Variants in ELF1 observed in about 807,000 individuals in gnomAD.
The protein encoded by ELF1 is ETS-related transcription factor Elf-1.
In ELF1, 24 loss-of-function variants were observed where a neutral mutation model predicts 59.9. That is an observed-to-expected ratio of 0.40 (90% CI 0.29 to 0.56). The LOEUF is 0.56. Ranked by LOEUF, ELF1 falls within the 20% of genes least tolerant of loss-of-function variation. ELF1 has a pLI of 0.44. For synonymous variants in ELF1, 248 were observed against 266.2 expected, an observed-to-expected ratio of 0.93 and a Z score of 0.67; for missense variants, 627 against 742.2, an observed-to-expected ratio of 0.84 and a Z score of 1.80.
At chr13:41,037,711 G>T (rs1237069493) in intron 1 of ELF1, among the ~76,000 whole-genome samples, 1 of 151,852 alleles carries the variant, frequency 6.6e-6, no homozygotes, top group Non-Finnish European at 1.5e-5. Flanking sequence ...CAGGAGAATT[G>T]CTGGAACCTG....
In ELF1 at chr13:40,982,248, T is replaced by A; in HGVS notation, c.-194A>T. ...GATATTCTAGTCAAATTGAGACAAT[T>A]TTTCTGAAATTTTTCTTCTCTCAAG... is the stretch of plus-strand genomic sequence containing the variant. On this transcript the variant is annotated 5_prime_UTR_variant, in exon 2 of 9. Transcript: ENST00000239882. 1.6e-6 allele frequency: 2 copies of A among 1,270,264 alleles called. No homozygotes were observed. The highest frequency in any genetic ancestry group is 5.6e-5 in the South Asian group (2 of 35,432). 78.7% of individuals were successfully genotyped at this position (1,270,264 alleles called of 1,614,324 possible).
exon 1 of ELF1, chr13:41,060,941 C>T (rs61962754): frequency 8.2e-4 from 196 of 240,234 alleles, no homozygotes; most frequent in African/African-American, 3.1e-3. Context: ...CCGCCGCCGC[C>T]GCCGCTGCTG....
At chr13:41,057,830 C>A (rs192210756) in intron 1 of ELF1, among the ~76,000 whole-genome samples, 24 of 152,326 alleles carry the variant, frequency 1.6e-4, no homozygotes, top group South Asian at 4.1e-4. Flanking sequence ...TCCTCACAAA[C>A]TGATTACCTA....
chr13:40,945,579 C>T (rs1361599497), intron 5 of ELF1, among the ~76,000 whole-genome samples: 5 of 152,148 alleles, frequency 3.3e-5, no homozygotes, highest in African/African-American at 1.2e-4. Flanking sequence ...TTTATTGTAG[C>T]TGAACTACTC....
intron 1 of ELF1, among the ~76,000 whole-genome samples, chr13:41,045,435 A>C (rs1000307909): frequency 7.2e-5 from 11 of 152,210 alleles, no homozygotes; most frequent in African/African-American, 2.7e-4. Flanking sequence ...TTAGTACCAC[A>C]AATTTCCCTC....
chr13:41,042,244 C>A (rs1294498984), intron 1 of ELF1, among the ~76,000 whole-genome samples: 3 of 151,810 alleles, frequency 2.0e-5, no homozygotes, highest in Middle Eastern at 6.9e-3. Flanking sequence ...TAACTCCTGA[C>A]CTCAAGTAAT....
chr13:41,041,008 G>A (rs1027812020), intron 1 of ELF1, among the ~76,000 whole-genome samples: 3 of 152,154 alleles, frequency 2.0e-5, no homozygotes, highest in Admixed American at 6.5e-5. Flanking sequence ...AGTGATTGGG[G>A]ATGGCCTTTC....
At position 40,943,157 on chromosome 13, in the gene ELF1, C is replaced by T. The variant is rs1271216399; in HGVS notation, c.614-13G>A. On this transcript the variant is annotated splice_polypyrimidine_tract_variant and intron_variant, in intron 6 of 8. Transcript: ENST00000239882. ...TAAATTGTGTTTCCTGAAACAAAAA[C>T]AATTTCTTTCTAAATGACCAAAATT... is the stretch of plus-strand genomic sequence containing the variant. 2.0e-6 allele frequency: 3 copies of T among 1,491,912 alleles called. No homozygotes were observed. The highest frequency in any genetic ancestry group is 2.7e-6 in the Non-Finnish European group (3 of 1,112,740). 92.4% of individuals were successfully genotyped at this position (1,491,912 alleles called of 1,614,324 possible).
At chr13:40,997,430 G>A (rs1874187826) in intron 1 of ELF1, among the ~76,000 whole-genome samples, 1 of 152,024 alleles carries the variant, frequency 6.6e-6, no homozygotes, top group South Asian at 2.1e-4. Flanking sequence ...GCTAATTTTT[G>A]TATTTTTAGT....
At chr13:40,957,565 C>T (rs1871528568) in intron 3 of ELF1, among the ~76,000 whole-genome samples, 3 of 151,968 alleles carry the variant, frequency 2.0e-5, no homozygotes, top group Non-Finnish European at 4.4e-5. Context: ...ACCCTGCCTT[C>T]TGTTCCTCCT....
chr13:41,034,247 T>C (rs1429144577), intron 1 of ELF1, among the ~76,000 whole-genome samples: 1 of 152,166 alleles, frequency 6.6e-6, no homozygotes. Context: ...CAGTGTGGTA[T>C]ATCTTGGACT....
chr13:40,961,385 C>T (rs1871809191), intron 2 of ELF1, among the ~76,000 whole-genome samples: 1 of 152,002 alleles, frequency 6.6e-6, no homozygotes, highest in African/African-American at 2.4e-5. Flanking sequence ...AACTAGGAGG[C>T]TCAAAAATTA....
intron 1 of ELF1, among the ~76,000 whole-genome samples, chr13:41,046,173 T>G (rs1876835825): frequency 6.6e-6 from 1 of 152,218 alleles, no homozygotes; most frequent in Non-Finnish European, 1.5e-5. Context: ...TGAGCCTATG[T>G]GTGTCTCTGC....
At chr13:40,980,300 C>T (rs1873180399) in intron 2 of ELF1, among the ~76,000 whole-genome samples, 1 of 152,078 alleles carries the variant, frequency 6.6e-6, no homozygotes, top group Non-Finnish European at 1.5e-5. Flanking sequence ...TCAGTATTTA[C>T]CTTACATGGT....
At chr13:40,935,281 C>T (rs1489461297) in intron 8 of ELF1, among the ~76,000 whole-genome samples, 1 of 152,104 alleles carries the variant, frequency 6.6e-6, no homozygotes, top group Non-Finnish European at 1.5e-5. Flanking sequence ...CCTTTGAATT[C>T]TGTAAAGTTA....
chr13:41,007,391 G>T (rs989051435), intron 1 of ELF1, among the ~76,000 whole-genome samples: 2 of 152,074 alleles, frequency 1.3e-5, no homozygotes, highest in African/African-American at 2.4e-5. Context: ...TCTACTGGAG[G>T]AACTTCATTT....
At chr13:40,987,516 G>A (rs1873617359) in intron 1 of ELF1, among the ~76,000 whole-genome samples, 2 of 145,332 alleles carry the variant, frequency 1.4e-5, no homozygotes, top group Admixed American at 1.4e-4. Flanking sequence ...AACCCAGGAG[G>A]CAGAAGCTGT....
At chr13:40,952,192 A>T in intron 3 of ELF1, among the ~76,000 whole-genome samples, 1 of 152,156 alleles carries the variant, frequency 6.6e-6, no homozygotes, top group Non-Finnish European at 1.5e-5. Flanking sequence ...CCTATTGTGT[A>T]GCTTAACATG....
chr13:41,030,953 G>C (rs1323557738), intron 1 of ELF1, among the ~76,000 whole-genome samples: 1 of 150,800 alleles, frequency 6.6e-6, no homozygotes, highest in Non-Finnish European at 1.5e-5. Flanking sequence ...TTGAGCCTAG[G>C]AGTTCAACAG....
Sources: gnomAD v4.1 joint callset for allele counts (sites outside exome capture counted in the v4.1 genomes callset) on GRCh38, gnomAD v4.1.1 for gene constraint, MANE v1.5 for transcripts, NCBI Gene and HGNC (gene_info 2026-07-23, HGNC 2026-07-21) for gene names.